Variants in KDM4C observed in about 807,000 individuals in gnomAD.
KDM4C encodes lysine-specific demethylase 4C.
A neutral mutation model predicts 129.3 loss-of-function variants in KDM4C; 81 were observed. The ratio of observed to expected loss-of-function variants is 0.63; its 90% CI spans 0.52 to 0.75. The LOEUF (loss-of-function observed/expected upper bound fraction) is 0.75. Ranked by LOEUF, KDM4C falls within the 30% of genes least tolerant of loss-of-function variation. The pLI, the probability that KDM4C is intolerant of heterozygous loss-of-function variation, is 0.00. For synonymous variants in KDM4C, 573 were observed against 456.1 expected (o/e 1.26, Z -3.26); for missense variants, 1,457 against 1,304.0 (o/e 1.12, Z -1.81).
intron 1 of KDM4C, among the ~76,000 whole-genome samples, chr9:6,736,246 A>C (rs1052773581): frequency 3.9e-5 from 6 of 152,216 alleles, no homozygotes; most frequent in Non-Finnish European, 7.3e-5. Context: ...ACAGAAAAGA[A>C]AATCTCATTT....
At chr9:7,016,275 C>G (rs1823659391) in intron 15 of KDM4C, among the ~76,000 whole-genome samples, 1 of 151,846 alleles carries the variant, frequency 6.6e-6, no homozygotes. Context: ...CTACAGGCAC[C>G]CGCCACCACG....
chr9:6,746,978 T>C (rs975961875), intron 1 of KDM4C, among the ~76,000 whole-genome samples: 1 of 116,034 alleles, frequency 8.6e-6, no homozygotes, highest in African/African-American at 3.5e-5. Context: ...AACTCCAGCC[T>C]GGGCCACAGA....
intron 15 of KDM4C, among the ~76,000 whole-genome samples, chr9:7,037,580 T>G (rs1194349643): frequency 1.3e-5 from 2 of 152,204 alleles, no homozygotes; most frequent in Non-Finnish European, 2.9e-5. Flanking sequence ...TGGTGATTTT[T>G]TATGAAACCA....
At chr9:6,950,849 A>G (rs1828017102) in intron 8 of KDM4C, among the ~76,000 whole-genome samples, 1 of 152,112 alleles carries the variant, frequency 6.6e-6, no homozygotes, top group African/African-American at 2.4e-5. Context: ...CTCTACCAAA[A>G]AGCTGTGGCT....
At chr9:6,937,707 T>TATTTA (rs944277568) in intron 8 of KDM4C, among the ~76,000 whole-genome samples, 4 of 152,086 alleles carry the variant, frequency 2.6e-5, no homozygotes, top group African/African-American at 9.7e-5. Context: ...AAATGCTTTA[T>TATTTA]ATTTAATTTA....
intron 1 of KDM4C, among the ~76,000 whole-genome samples, chr9:6,725,880 A>T (rs1345221914): frequency 7.1e-6 from 1 of 140,380 alleles, no homozygotes; most frequent in Non-Finnish European, 1.5e-5. Flanking sequence ...TAGCTACTTT[A>T]AAAAATATTT....
At chr9:6,914,349 G>T (rs1377015051) in intron 8 of KDM4C, among the ~76,000 whole-genome samples, 1 of 152,172 alleles carries the variant, frequency 6.6e-6, no homozygotes, top group Non-Finnish European at 1.5e-5. Context: ...TGGGCTTACA[G>T]GCATGAGCCA....
At chr9:6,743,727 G>C (rs2130272459) in intron 1 of KDM4C, among the ~76,000 whole-genome samples, 1 of 152,052 alleles carries the variant, frequency 6.6e-6, no homozygotes, top group South Asian at 2.1e-4. Context: ...GGCTGGTTTG[G>C]AACTCCTGGT....
intron 1 of KDM4C, among the ~76,000 whole-genome samples, chr9:6,739,773 G>A (rs1156728393): frequency 1.3e-5 from 2 of 151,962 alleles, no homozygotes; most frequent in Non-Finnish European, 2.9e-5. Flanking sequence ...AAGGAGGAAG[G>A]ATTGCTAGGA....
chr9:6,992,493 T>C (rs1818935294), intron 12 of KDM4C, among the ~76,000 whole-genome samples: 1 of 152,216 alleles, frequency 6.6e-6, no homozygotes, highest in African/African-American at 2.4e-5. Flanking sequence ...CAGAATTGAT[T>C]AGAAAAATCA....
chr9:6,784,395 AT>A (rs914802474), intron 1 of KDM4C, among the ~76,000 whole-genome samples: 4 of 151,846 alleles, frequency 2.6e-5, no homozygotes, highest in Admixed American at 6.6e-5. Context: ...TGCCTGGCTA[AT>A]TTTTTTTGTA....
At chr9:7,163,676 T>G (rs1844049768) in intron 19 of KDM4C, among the ~76,000 whole-genome samples, 1 of 152,086 alleles carries the variant, frequency 6.6e-6, no homozygotes. Flanking sequence ...CTTCCAGTGT[T>G]CTCGGTACCG....
rs557658688 is a variant in KDM4C, at chr9:6,796,195, A to C, written c.144+3063A>C. On this transcript the variant is annotated intron_variant, in intron 2 of 21. Transcript: ENST00000381309. ...GTGTGGGGCTCACGCCTGCAATCCC[A>C]GCACTCTGGGAGGCCGAGGTGGGTG... Among the ~76,000 whole-genome samples, 9 of 152,308 alleles carry C rather than the reference A, an allele frequency of 5.9e-5. No individual in the cohort carries two copies. The South Asian group carries it at 1.9e-3, about 32-fold the overall frequency.
chr9:6,851,150 A>G (rs10975855), intron 5 of KDM4C, among the ~76,000 whole-genome samples: 17,673 of 152,074 alleles, frequency 0.12, 1,261 homozygotes, highest in East Asian at 0.2. Flanking sequence ...TTTATTTGTT[A>G]TTACTTTTTG....
rs1368744738 is a variant in KDM4C at position 6,807,941 on chromosome 9, G to A, written c.320+2167G>A. 4.6e-3 allele frequency among the ~76,000 whole-genome samples: 544 copies of A among 117,442 alleles called. 9 individuals carry two copies. The highest frequency in any genetic ancestry group is 0.014 in the Middle Eastern group (3 of 208). The allele number at this position is 117,442 out of a possible 152,430, so 77.0% of individuals were successfully genotyped here. ...CAGCCACCCCCTCCGGGAGGGAGGTGGGGGGGTCAGCCCCCCGCCCGGCCA... is the reference window on the plus strand; with the variant it reads ...CAGCCACCCCCTCCGGGAGGGAGGTAGGGGGGTCAGCCCCCCGCCCGGCCA... On this transcript the variant is annotated intron_variant, in intron 3 of 21. Coordinates refer to ENST00000381309, the MANE Select transcript of KDM4C (RefSeq NM_015061.6).
intron 5 of KDM4C, among the ~76,000 whole-genome samples, chr9:6,852,244 G>T (rs1175232826): frequency 6.6e-6 from 1 of 152,184 alleles, no homozygotes; most frequent in Non-Finnish European, 1.5e-5. Context: ...AGCTTTGAAA[G>T]ATGTTAGAAG....
chr9:6,936,698 T>C (rs373724899), intron 8 of KDM4C, among the ~76,000 whole-genome samples: 40 of 152,292 alleles, frequency 2.6e-4, no homozygotes, highest in East Asian at 5.8e-4. Context: ...GTGAAAACAA[T>C]ATTTTGGGAG....
intron 8 of KDM4C, among the ~76,000 whole-genome samples, chr9:6,909,525 G>A (rs1208787004): frequency 6.6e-6 from 1 of 152,036 alleles, no homozygotes; most frequent in East Asian, 1.9e-4. Flanking sequence ...AGGGTAGGTG[G>A]GTCTTTGCCA....
intron 4 of KDM4C, among the ~76,000 whole-genome samples, chr9:6,822,658 A>G (rs1475596875): frequency 2.6e-5 from 4 of 152,220 alleles, no homozygotes; most frequent in Non-Finnish European, 5.9e-5. Context: ...TTTGTTAACA[A>G]GCCTTTACAT....
Sources: allele counts gnomAD v4.1 joint callset (sites outside exome capture counted in the v4.1 genomes callset), GRCh38; gene constraint gnomAD v4.1.1; transcripts MANE v1.5; gene names NCBI Gene and HGNC (gene_info 2026-07-23, HGNC 2026-07-21).